The following GABBR2 variants were observed in gnomAD, a reference collection of about 807,000 sequenced individuals.
GABBR2 encodes G-protein coupled receptor 51.
In GABBR2, 23 loss-of-function variants were observed where a neutral mutation model predicts 105.6. The ratio of observed to expected loss-of-function variants is 0.22; its 90% CI spans 0.16 to 0.31. The LOEUF is 0.31. Ranked by LOEUF, GABBR2 falls within the 10% of genes least tolerant of loss-of-function variation. GABBR2 has a pLI of 1.00. For missense variants in GABBR2, 734 were observed against 1,245.5 expected (o/e 0.59, Z 6.18); for synonymous variants, 478 against 499.7 (o/e 0.96, Z 0.58).
intron 13 of GABBR2, among the ~76,000 whole-genome samples, chr9:98,319,070 G>A (rs975730857): frequency 6.6e-6 from 1 of 152,114 alleles, no homozygotes; most frequent in Non-Finnish European, 1.5e-5. Context: ...GCCTAGGCAG[G>A]GAGGGGAAAG....
chr9:98,430,555 G>T (rs1378239691), intron 7 of GABBR2, among the ~76,000 whole-genome samples: 4 of 152,138 alleles, frequency 2.6e-5, no homozygotes, highest in Non-Finnish European at 5.9e-5. Context: ...GAGCTCTGAG[G>T]ATCCTTCTGC....
intron 1 of GABBR2, among the ~76,000 whole-genome samples, chr9:98,648,387 C>T (rs903224979): frequency 1.3e-5 from 2 of 152,094 alleles, no homozygotes; most frequent in Admixed American, 6.5e-5. Flanking sequence ...CCCACCTCAG[C>T]CTCCCAAAGT....
chr9:98,450,838 G>A (rs1206890680), intron 7 of GABBR2, among the ~76,000 whole-genome samples: 1 of 152,088 alleles, frequency 6.6e-6, no homozygotes, highest in Non-Finnish European at 1.5e-5. Flanking sequence ...CATCAAGTAA[G>A]GATTATGTAT....
intron 4 of GABBR2, among the ~76,000 whole-genome samples, chr9:98,483,297 C>T (rs1052126769): frequency 6.6e-6 from 1 of 152,162 alleles, no homozygotes; most frequent in Admixed American, 6.5e-5. Flanking sequence ...AGCCCCACTG[C>T]CCTGAGTTTG....
At chr9:98,342,759 C>A (rs751365075) in intron 13 of GABBR2, among the ~76,000 whole-genome samples, 4 of 152,196 alleles carry the variant, frequency 2.6e-5, no homozygotes, top group Non-Finnish European at 4.4e-5. Flanking sequence ...GCATCCAAAG[C>A]CTTTGGCCAC....
intron 1 of GABBR2, among the ~76,000 whole-genome samples, chr9:98,643,767 T>G (rs1321445540): frequency 6.6e-6 from 1 of 152,204 alleles, no homozygotes; most frequent in Non-Finnish European, 1.5e-5. Context: ...TGAAGCTCAA[T>G]CTGAGGATAT....
chr9:98,364,038 C>T (rs968779084), intron 12 of GABBR2, among the ~76,000 whole-genome samples: 10 of 152,054 alleles, frequency 6.6e-5, no homozygotes, highest in African/African-American at 2.4e-4. Flanking sequence ...GAAATAAAAA[C>T]CCGAGGGGCC....
At chr9:98,616,616 T>C (rs1185255041) in intron 1 of GABBR2, among the ~76,000 whole-genome samples, 1 of 152,052 alleles carries the variant, frequency 6.6e-6, no homozygotes, top group Non-Finnish European at 1.5e-5. Context: ...TAGCTGGGCA[T>C]GGTGGTGCAT....
chr9:98,374,447 G>A (rs1355553023), intron 11 of GABBR2, among the ~76,000 whole-genome samples: 1 of 152,182 alleles, frequency 6.6e-6, no homozygotes, highest in African/African-American at 2.4e-5. Flanking sequence ...GTCCTTGGCT[G>A]GTATCTGAGA....
chr9:98,317,013 A>G (rs1830730080), intron 13 of GABBR2, among the ~76,000 whole-genome samples: 1 of 152,208 alleles, frequency 6.6e-6, no homozygotes, highest in Non-Finnish European at 1.5e-5. Flanking sequence ...CGGAGGAGAC[A>G]GTGGGTGTAA....
chr9:98,569,109 C>T (rs1291705391), intron 2 of GABBR2, among the ~76,000 whole-genome samples: 1 of 152,142 alleles, frequency 6.6e-6, no homozygotes, highest in African/African-American at 2.4e-5. Flanking sequence ...GGCTCCAACC[C>T]GTGCTGGATT....
At chr9:98,494,717 C>G (rs1000185516) in intron 4 of GABBR2, among the ~76,000 whole-genome samples, 1 of 152,206 alleles carries the variant, frequency 6.6e-6, no homozygotes, top group African/African-American at 2.4e-5. Context: ...GGGCTCTGCA[C>G]AGGGCCTGGC....
chr9:98,665,162 A>G (rs982193669), intron 1 of GABBR2, among the ~76,000 whole-genome samples: 9 of 151,318 alleles, frequency 5.9e-5, no homozygotes, highest in Admixed American at 5.9e-4. Context: ...TTAGCTACTC[A>G]GGAGGCTGAG....
At chr9:98,409,997 C>T (rs1329405489) in intron 7 of GABBR2, among the ~76,000 whole-genome samples, 4 of 152,154 alleles carry the variant, frequency 2.6e-5, no homozygotes, top group Non-Finnish European at 5.9e-5. Context: ...AGCTGAGCAA[C>T]AGGGCATGGT....
At chr9:98,708,353 G>A in intron 1 of GABBR2, 64 bp downstream of exon 1, 1 of 1,286,240 alleles carries the variant, frequency 7.8e-7, no homozygotes, top group African/African-American at 1.5e-5. Context: ...GAGGTTGCCT[G>A]TGTCCAAACC....
chr9:98,430,140 A>G (rs947427127), intron 7 of GABBR2, among the ~76,000 whole-genome samples: 5 of 152,054 alleles, frequency 3.3e-5, no homozygotes, highest in African/African-American at 1.2e-4. Flanking sequence ...AAATAAAAAA[A>G]TTAGCCGGGC....
intron 1 of GABBR2, among the ~76,000 whole-genome samples, chr9:98,610,391 G>A (rs1000146001): frequency 1.3e-5 from 2 of 152,202 alleles, no homozygotes; most frequent in Non-Finnish European, 2.9e-5. Flanking sequence ...TTAGCACTGC[G>A]CTGGCTGAAA....
chr9:98,394,289 T>C (rs1832248505), intron 8 of GABBR2, 34 bp from the exon 9 acceptor site: 1 of 1,494,206 alleles, frequency 6.7e-7, no homozygotes, highest in Admixed American at 1.7e-5. Context: ...CCAGTTAGAC[T>C]GGGATCTGGG....
At chr9:98,463,491 A>C (rs147129779) in intron 6 of GABBR2, among the ~76,000 whole-genome samples, 1 of 152,094 alleles carries the variant, frequency 6.6e-6, no homozygotes, top group Non-Finnish European at 1.5e-5. Flanking sequence ...AGTAGTTATC[A>C]AGACTTATTA....
Sources: gnomAD v4.1 joint callset for allele counts (sites outside exome capture counted in the v4.1 genomes callset) on GRCh38, gnomAD v4.1.1 for gene constraint, MANE v1.5 for transcripts, NCBI Gene and HGNC (gene_info 2026-07-23, HGNC 2026-07-21) for gene names.